Variants in LRRC75B observed in about 807,000 individuals in gnomAD.
LRRC75B encodes the protein leucine rich repeat containing 75B.
A neutral mutation model predicts 16.5 loss-of-function variants in LRRC75B; 20 were observed. That is an observed-to-expected ratio of 1.21 (90% CI 0.85 to 1.76). The LOEUF (loss-of-function observed/expected upper bound fraction) is 1.76. LRRC75B is among the 40% of genes most tolerant of loss of function. LRRC75B has a pLI of 0.00. For missense variants in LRRC75B, 406 were observed against 417.0 expected (o/e 0.97, Z 0.23); for synonymous variants, 199 against 198.1 (o/e 1.00, Z -0.04).
At chr22:24,586,476 A>T in intron 3 of LRRC75B, 65 bp from the exon 4 acceptor site, 1 of 1,528,970 alleles carries the variant, frequency 6.5e-7, no homozygotes, top group Non-Finnish European at 8.9e-7. Flanking sequence ...GACCACAGAC[A>T]GTGACCTGTC....
chr22:24,592,803 C>A (rs1279299874), intron 1 of LRRC75B, 60 bp downstream of exon 1: 2 of 1,245,180 alleles, frequency 1.6e-6, no homozygotes, highest in African/African-American at 3.2e-5. Context: ...CCTCCCAGAC[C>A]CCCAGACCCC....
In LRRC75B at chr22:24,585,874, G is replaced by T; in HGVS notation, c.*12C>A. 1 of 1,566,206 alleles carries T rather than the reference G, an allele frequency of 6.4e-7. No individual in the cohort carries two copies. The highest frequency in any genetic ancestry group is 1.1e-5 in the South Asian group (1 of 87,398). On this transcript the variant is annotated 3_prime_UTR_variant, in exon 4 of 4. Coordinates refer to ENST00000318753, the MANE Select transcript of LRRC75B (RefSeq NM_207644.3). ...TCACAAGTCAGTAGCAATGAGCCAGGTGGGTGGTGGGTCACCTGGCACAGC... is the reference window on the plus strand; with the variant it reads ...TCACAAGTCAGTAGCAATGAGCCAGTTGGGTGGTGGGTCACCTGGCACAGC...
intron 1 of LRRC75B, among the ~76,000 whole-genome samples, chr22:24,590,793 A>C (rs1469573316): frequency 6.6e-6 from 1 of 152,018 alleles, no homozygotes; most frequent in Non-Finnish European, 1.5e-5. Context: ...CTCACCACCC[A>C]TGCCCCAGCT....
intron 2 of LRRC75B, chr22:24,588,763 C>T: frequency 9.7e-7 from 1 of 1,030,872 alleles, no homozygotes; most frequent in Non-Finnish European, 1.2e-6. Flanking sequence ...CAAGCCAGGT[C>T]AGCGTGTTCT....
Position 24,585,707 on chromosome 22 carries a change from C to T in LRRC75B, c.*179G>A, listed in dbSNP as rs911057923. The T allele has an allele frequency of 1.4e-6, 1 of 712,986 alleles. No individual in the cohort carries two copies. Among genetic ancestry groups the T allele is most frequent in the Non-Finnish European group, 2.3e-6 (1 of 442,472 alleles). 44.2% of individuals were successfully genotyped at this position (712,986 alleles called of 1,614,324 possible). The stretch of plus-strand genomic sequence containing the variant: ...CCCTCCCACTGAGGGAAGGCTGAGC[C>T]TCTAGCCAGGGCTGGCCACCTGGCC... On this transcript the variant is annotated 3_prime_UTR_variant, in exon 4 of 4. Coordinates refer to ENST00000318753, the MANE Select transcript of LRRC75B (RefSeq NM_207644.3).
chr22:24,589,634 T>C (rs2045508058), intron 2 of LRRC75B, 187 bp downstream of exon 2: 1 of 685,958 alleles, frequency 1.5e-6, no homozygotes, highest in African/African-American at 1.8e-5. Flanking sequence ...CAGCTCACAC[T>C]TGCTCTAGCT....
intron 2 of LRRC75B, chr22:24,588,590 G>T: frequency 1.1e-6 from 1 of 929,490 alleles, no homozygotes; most frequent in Non-Finnish European, 1.5e-6. Flanking sequence ...CAGACAATGA[G>T]CCCTTGTTCC....
chr22:24,591,607 G>T (rs2045570490), intron 1 of LRRC75B, among the ~76,000 whole-genome samples: 1 of 152,348 alleles, frequency 6.6e-6, no homozygotes, highest in South Asian at 2.1e-4. Flanking sequence ...CCCAACCTCT[G>T]AGACACAAAG....
rs182424182 is a variant in LRRC75B, at chr22:24,585,831, A to G, written c.*55T>C. The G allele has an allele frequency of 4.8e-5, 70 of 1,471,086 alleles. No homozygotes were observed. The African/African-American group carries it at 6.0e-4, about 13-fold the overall frequency. The allele number at this position is 1,471,086 out of a possible 1,614,324, so 91.1% of individuals were successfully genotyped here. ...TCCTCCTTGACCTTCATCGCCCACT[A>G]TCATGTGCTTGAGAGCATCACAAGT... On this transcript the variant is annotated 3_prime_UTR_variant, in exon 4 of 4. Coordinates refer to ENST00000318753, the MANE Select transcript of LRRC75B (RefSeq NM_207644.3).
In LRRC75B at chr22:24,585,903, C is replaced by T. The variant is rs756595440; in HGVS notation, c.931G>A (p.Ala311Thr). The T allele has an allele frequency of 6.3e-7, 1 of 1,595,136 alleles. No individual in the cohort carries two copies. ...TAAGLGPEPQ[A>T]CCAR The stretch of plus-strand genomic sequence containing the variant: ...GTGGTGGGTCACCTGGCACAGCAGG[C>T]CTGGGGCTCGGGTCCCAGCCCAGCA... Residue 311 changes from alanine (A) to threonine (T), a missense_variant, in exon 4 of 4, where the codon GCC becomes ACC. Physicochemically the swap from Ala to Thr is moderately conservative, Grantham distance 58 (BLOSUM62 0). Transcript: ENST00000318753.
chr22:24,588,511 C>T (rs2045469234), intron 2 of LRRC75B, 182 bp from the exon 3 acceptor site: 2 of 749,912 alleles, frequency 2.7e-6, no homozygotes, highest in Admixed American at 2.7e-5. Context: ...TGGCACAGAG[C>T]CAGGGGAGGC....
chr22:24,592,750 C>G, intron 1 of LRRC75B, 113 bp downstream of exon 1: 1 of 1,279,032 alleles, frequency 7.8e-7, no homozygotes, highest in Non-Finnish European at 9.9e-7. Flanking sequence ...CCAGCTCCGC[C>G]TCGCCTCCCG....
Position 24,585,791 on chromosome 22 carries a change from C to G in LRRC75B, c.*95G>C. 8.1e-7 allele frequency: 1 copy of G among 1,241,392 alleles called. No homozygotes were observed. The highest frequency in any genetic ancestry group is 2.4e-4 in the Middle Eastern group (1 of 4,126). 76.9% of individuals were successfully genotyped at this position (1,241,392 alleles called of 1,614,324 possible). A position where few individuals can be genotyped will look rare whatever the true frequency, so the allele number is the denominator to read the frequency against. On this transcript the variant is annotated 3_prime_UTR_variant, in exon 4 of 4. Transcript: ENST00000318753. Reference sequence around the variant, plus strand: ...CAGGCTGAGCATTTACACTGGATTTCTGGGGGCCTGTGAGTCCTCCTTGAC... The same window carrying G: ...CAGGCTGAGCATTTACACTGGATTTGTGGGGGCCTGTGAGTCCTCCTTGAC...
Position 24,588,223 on chromosome 22 carries a change from G to A in LRRC75B, c.413C>T (p.Thr138Ile). 6.2e-7 allele frequency: 1 copy of A among 1,612,496 alleles called. No homozygotes were observed. Among genetic ancestry groups the A allele is most frequent in the Non-Finnish European group, 8.5e-7 (1 of 1,179,448 alleles). The change falls in exon 3 of 4, where the codon ACC (threonine) becomes ATC (isoleucine). Residue 138 changes from threonine to isoleucine, a missense_variant. Coordinates refer to ENST00000318753, the MANE Select transcript of LRRC75B (RefSeq NM_207644.3). ...GCTGGGCTACCCTTACCAGCTCTGG[G>A]TCTTCCTCTGGCGCAGGCTGGACCC... ...QQGSSLRQRK[T>I]QSCLKSSLQK...
intron 2 of LRRC75B, chr22:24,589,130 T>C: frequency 8.8e-7 from 1 of 1,130,398 alleles, no homozygotes. Flanking sequence ...CCAGAGCGGA[T>C]ACCCTGGTTT....
intron 2 of LRRC75B, 37 bp downstream of exon 2, chr22:24,589,784 C>G: frequency 6.3e-7 from 1 of 1,583,862 alleles, no homozygotes; most frequent in Non-Finnish European, 8.6e-7. Context: ...CTGTCCACCA[C>G]AGTGCCCAGC....
intron 2 of LRRC75B, chr22:24,589,177 G>A (rs917072249): frequency 1.5e-5 from 18 of 1,172,084 alleles, no homozygotes; most frequent in East Asian, 8.3e-5. Context: ...GTCTGGGTCC[G>A]GTGGCTGGTC....
In LRRC75B at chr22:24,586,343, G is replaced by A. The variant is rs760431197; in HGVS notation, c.491C>T (p.Ser164Leu). Residue 164 changes from serine (S) to leucine (L), a missense_variant, in exon 4 of 4, where the codon TCG becomes TTG. Coordinates refer to ENST00000318753, the MANE Select transcript of LRRC75B (RefSeq NM_207644.3). Reference sequence around the variant, plus strand: ...TGTGATGTGTTGCACGTCCTGTGTCGACAGCGGGATGCCTGAGAGGTCCAC... The same window carrying A: ...TGTGATGTGTTGCACGTCCTGTGTCAACAGCGGGATGCCTGAGAGGTCCAC... ...ETVDLSGIPL[S>L]TQDVQHITRY... 8.7e-6 allele frequency: 14 copies of A among 1,613,898 alleles called. No homozygotes were observed. Among genetic ancestry groups the A allele is most frequent in the South Asian group, 4.4e-5 (4 of 91,082 alleles).
chr22:24,590,173 C>T (rs1387769701), intron 1 of LRRC75B, among the ~76,000 whole-genome samples: 4 of 152,144 alleles, frequency 2.6e-5, no homozygotes, highest in Non-Finnish European at 5.9e-5. Flanking sequence ...CACCCTGTCA[C>T]CCAGGCTGGA....
Sources: gnomAD v4.1 joint callset for allele counts (sites outside exome capture counted in the v4.1 genomes callset) on GRCh38, gnomAD v4.1.1 for gene constraint, MANE v1.5 for transcripts, NCBI Gene and HGNC (gene_info 2026-07-23, HGNC 2026-07-21) for gene names.